EVC: variants seen among roughly 807,000 people sequenced by gnomAD.
The protein encoded by EVC is EvC ciliary complex subunit 1.
EVC carries 116 observed loss-of-function variants against 118.9 expected under a neutral mutation model. That is an observed-to-expected ratio of 0.98 (90% CI 0.84 to 1.14). EVC has a LOEUF of 1.14. Among genes scored for constraint, EVC ranks in the 50% most tolerant of loss-of-function variants. EVC has a pLI of 0.00. For missense variants in EVC, 1,401 were observed against 1,246.4 expected (o/e 1.12, Z -1.87); for synonymous variants, 619 against 534.7 (o/e 1.16, Z -2.18).
In EVC at chr4:5,753,020, C is replaced by T. The variant is rs1409088904; in HGVS notation, c.1283C>T (p.Ala428Val). 7 of 1,609,640 alleles carry T rather than the reference C, an allele frequency of 4.3e-6. No homozygotes were observed. Among genetic ancestry groups the T allele is most frequent in the Non-Finnish European group, 5.9e-6 (7 of 1,178,322 alleles). Residue 428 changes from alanine (A) to valine (V), a missense_variant, in exon 9 of 21, where the codon GCC becomes GTC. Transcript: ENST00000264956. ...GAGCTGCTCACGCAGCAGCACAAGG[C>T]CTTCTGGCAGGAGGCAGAGCGCTTC... ...KEELLTQQHK[A>V]FWQEAERFSR...
chr4:5,828,998 T>TAAGAA, the EVC span, among the ~76,000 whole-genome samples: 4 of 152,194 alleles, frequency 2.6e-5, no homozygotes, highest in Admixed American at 2.6e-4. Flanking sequence ...AAAATGTTCT[T>TAAGAA]CATTTTACTT....
At chr4:5,802,116 A>T (rs1478629461) in intron 16 of EVC, 22 bp downstream of exon 16, 2 of 1,614,114 alleles carry the variant, frequency 1.2e-6, no homozygotes, top group South Asian at 1.1e-5. Context: ...CCCCTCAGGG[A>T]AGCCCCAGAA....
chr4:5,771,011 C>CAAAA (rs10699296), intron 11 of EVC, among the ~76,000 whole-genome samples: 1 of 143,734 alleles, frequency 7.0e-6, no homozygotes, highest in African/African-American at 2.6e-5. Context: ...GACTTCATTT[C>CAAAA]AAAAAAAAAA....
At chr4:5,807,389 T>C (rs1716091813) in intron 17 of EVC, among the ~76,000 whole-genome samples, 1 of 152,110 alleles carries the variant, frequency 6.6e-6, no homozygotes, top group South Asian at 2.1e-4. Flanking sequence ...CAGGGTGGCA[T>C]TTTCACACCT....
chr4:5,806,169 T>C (rs1425389225), intron 17 of EVC, among the ~76,000 whole-genome samples: 1 of 151,704 alleles, frequency 6.6e-6, no homozygotes, highest in Non-Finnish European at 1.5e-5. Flanking sequence ...AACCTCCGCC[T>C]CCCGGGTTCA....
In EVC at chr4:5,810,461, G is replaced by GC; in HGVS notation, c.2894+15dup. Reference sequence around the variant, plus strand: ...CTCAGGCTCACTCAGGTATGACTGGGCCCCGGACCTGTTGCCTGTGGCTGG... The same window carrying GC: ...CTCAGGCTCACTCAGGTATGACTGGGCCCCCGGACCTGTTGCCTGTGGCTGG... On this transcript the variant is annotated intron_variant, in intron 20 of 20. Transcript: ENST00000264956. 1 of 1,599,478 alleles carries GC rather than the reference G, an allele frequency of 6.3e-7. No homozygotes were observed. Among genetic ancestry groups the GC allele is most frequent in the Non-Finnish European group, 8.5e-7 (1 of 1,172,020 alleles).
chr4:5,781,886 G>A (rs1406969900), intron 11 of EVC, among the ~76,000 whole-genome samples: 1 of 152,044 alleles, frequency 6.6e-6, no homozygotes, highest in East Asian at 1.9e-4. Flanking sequence ...CCATTTATGG[G>A]TGAATGAACA....
chr4:5,740,805 A>G (rs1407368580), intron 5 of EVC, among the ~76,000 whole-genome samples: 1 of 152,204 alleles, frequency 6.6e-6, no homozygotes, highest in Non-Finnish European at 1.5e-5. Context: ...ACCAAAAAGG[A>G]TATATAGATG....
In EVC at chr4:5,742,205, G is replaced by A. The variant is rs576454206; in HGVS notation, c.801+391G>A. 6.6e-6 allele frequency among the ~76,000 whole-genome samples: 1 copy of A among 152,114 alleles called. No homozygotes were observed. Among genetic ancestry groups the A allele is most frequent in the South Asian group, 2.1e-4 (1 of 4,834 alleles). On this transcript the variant is annotated intron_variant, in intron 6 of 20. Coordinates refer to ENST00000264956, the MANE Select transcript of EVC (RefSeq NM_153717.3). This position sits in a 1 kb window ranked among gnomAD's most constrained non-coding sequence, Gnocchi z 5.2. ...GTCTCAGGCGCAGCAAAGAGTCAGG[G>A]CTTGGAGTCAGACTGGTTGAGGTTG...
chr4:5,788,895 T>C (rs1489454992), intron 12 of EVC, among the ~76,000 whole-genome samples: 1 of 152,180 alleles, frequency 6.6e-6, no homozygotes, highest in Non-Finnish European at 1.5e-5. Flanking sequence ...TTTTTTCACG[T>C]TTGTTTTAGC....
intron 11 of EVC, among the ~76,000 whole-genome samples, chr4:5,762,299 CATT>C (rs1303215907): frequency 7.3e-6 from 1 of 136,604 alleles, no homozygotes; most frequent in African/African-American, 2.8e-5. Context: ...TCCAGTCTAT[CATT>C]GTTGGACATT....
chr4:5,807,302 T>C (rs972226327), intron 17 of EVC, among the ~76,000 whole-genome samples: 2 of 152,036 alleles, frequency 1.3e-5, no homozygotes, highest in Admixed American at 1.3e-4. Flanking sequence ...CAGCGTCTTG[T>C]AGGGTGCACA....
intron 9 of EVC, 104 bp downstream of exon 9, chr4:5,753,156 C>A: frequency 8.9e-7 from 1 of 1,123,508 alleles, no homozygotes; most frequent in Non-Finnish European, 1.3e-6. Flanking sequence ...GCCCATGATG[C>A]CGGGCACAGG....
intron 11 of EVC, among the ~76,000 whole-genome samples, chr4:5,760,633 A>G (rs1047215245): frequency 2.3e-4 from 35 of 151,830 alleles, no homozygotes; most frequent in African/African-American, 8.2e-4. Context: ...GCTCACTGCA[A>G]CCTCCGCCTC....
At chr4:5,729,952 A>C (rs544341085) in intron 3 of EVC, among the ~76,000 whole-genome samples, 1 of 152,240 alleles carries the variant, frequency 6.6e-6, no homozygotes, top group African/African-American at 2.4e-5. Context: ...TACACCTTCC[A>C]TGGCGCTTCC....
intron 12 of EVC, among the ~76,000 whole-genome samples, chr4:5,790,422 C>G (rs1176170963): frequency 6.6e-6 from 1 of 152,154 alleles, no homozygotes; most frequent in Non-Finnish European, 1.5e-5. Context: ...TGTGTTTAAT[C>G]TGCATTCCAA....
In EVC at chr4:5,749,703, G is replaced by A. The variant is rs1485958332; in HGVS notation, c.1098+1397G>A. Among the ~76,000 whole-genome samples the A allele has an allele frequency of 1.3e-5, 2 of 152,124 alleles. No homozygotes were observed. The highest frequency in any genetic ancestry group is 6.6e-5 in the Admixed American group (1 of 15,266). ...GCCAGGGAACGAGCCCTCTGATGCT[G>A]CCCTGCACCCATTTCCCCGTCCTGT... On this transcript the variant is annotated intron_variant, in intron 8 of 20. Transcript: ENST00000264956. The surrounding 1 kb of genome is among the most constrained non-coding windows in gnomAD (Gnocchi z 4.4).
Position 5,797,040 on chromosome 4 carries a change from G to C in EVC, c.1905G>C (p.Leu635=). Reference sequence around the variant, plus strand: ...CTCAAAGGTCCACGCGGTGTGTCCTGCAGGGGCATGACCTGCTGTTGCGCT... The same window carrying C: ...CTCAAAGGTCCACGCGGTGTGTCCTCCAGGGGCATGACCTGCTGTTGCGCT... The part of the protein sequence containing the change: ...GLTEESTRCV[L]QGHDLLLRSA... Residue 635 remains leucine, a synonymous_variant, in exon 14 of 21, where the codon CTG becomes CTC. Coordinates refer to ENST00000264956, the MANE Select transcript of EVC (RefSeq NM_153717.3). 1.9e-6 allele frequency: 3 copies of C among 1,613,178 alleles called. No homozygotes were observed. The highest frequency in any genetic ancestry group is 2.5e-6 in the Non-Finnish European group (3 of 1,179,870).
At chr4:5,824,649 G>A in the EVC span, 1 of 951,100 alleles carries the variant, frequency 1.1e-6, no homozygotes, top group Non-Finnish European at 1.3e-6. Context: ...AATGGCTATT[G>A]AATATAACAT....
Sources: gnomAD v4.1 joint callset for allele counts (sites outside exome capture counted in the v4.1 genomes callset) on GRCh38, gnomAD v4.1.1 for gene constraint, Gnocchi (gnomAD v3.1) non-coding constraint, MANE v1.5 for transcripts, NCBI Gene and HGNC (gene_info 2026-07-23, HGNC 2026-07-21) for gene names.